The following SORCS2 variants were observed in gnomAD, a reference collection of about 807,000 sequenced individuals.
SORCS2 encodes the protein VPS10 domain-containing receptor SorCS2.
SORCS2 carries 100 observed loss-of-function variants against 141.6 expected under a neutral mutation model. That is an observed-to-expected ratio of 0.71 (90% confidence interval 0.60 to 0.83). The LOEUF (loss-of-function observed/expected upper bound fraction) is 0.83. Ranked by LOEUF, SORCS2 falls within the 40% of genes least tolerant of loss-of-function variation. The pLI is 0.00. For synonymous variants in SORCS2, 789 were observed against 676.9 expected, an observed-to-expected ratio of 1.17 and a Z score of -2.57; for missense variants, 1,646 against 1,560.2, an observed-to-expected ratio of 1.05 and a Z score of -0.93.
intron 1 of SORCS2, among the ~76,000 whole-genome samples, chr4:7,354,150 A>G (rs540617035): frequency 1.3e-5 from 2 of 152,140 alleles, no homozygotes; most frequent in African/African-American, 2.4e-5. Context: ...GTGGCATTGT[A>G]ATGACCTTGG....
intron 2 of SORCS2, among the ~76,000 whole-genome samples, chr4:7,468,853 A>C (rs1443964278): frequency 1.3e-5 from 2 of 152,130 alleles, no homozygotes; most frequent in African/African-American, 4.8e-5. Flanking sequence ...TTCCTATCCA[A>C]AACGCCGTAT....
rs1333269817 is a variant in SORCS2, at chr4:7,661,670, C to T, written c.952+106C>T. The T allele has an allele frequency of 4.0e-6, 4 of 1,007,468 alleles. No individual in the cohort carries two copies. In the African/African-American group the frequency reaches 4.9e-5, roughly 12 times the overall value. 62.4% of individuals were successfully genotyped at this position (1,007,468 alleles called of 1,614,324 possible). On this transcript the variant is annotated intron_variant, in intron 6 of 26. Coordinates refer to ENST00000507866, the MANE Select transcript of SORCS2 (RefSeq NM_020777.3). ...CGCTTGTCCGCAATGGCTGGCCCTA[C>T]ACAGCCGGCCTCACTGTGTCTCGAT...
intron 3 of SORCS2, among the ~76,000 whole-genome samples, chr4:7,625,144 G>T (rs1719438115): frequency 6.6e-6 from 1 of 152,184 alleles, no homozygotes; most frequent in Non-Finnish European, 1.5e-5. Flanking sequence ...TGGCATTTTA[G>T]CAATTGTCAG....
chr4:7,434,266 G>C, intron 2 of SORCS2: 1 of 1,613,238 alleles, frequency 6.2e-7, no homozygotes, highest in Non-Finnish European at 8.5e-7. Context: ...GTTCAAGTCG[G>C]CCAAGGTCAA....
chr4:7,411,868 C>A (rs1416489907), intron 2 of SORCS2, among the ~76,000 whole-genome samples: 6 of 152,134 alleles, frequency 3.9e-5, no homozygotes, highest in African/African-American at 1.2e-4. Flanking sequence ...ACCCCTGGTT[C>A]CCAGACACCA....
chr4:7,315,580 G>A (rs535436157), intron 1 of SORCS2, among the ~76,000 whole-genome samples: 36 of 152,308 alleles, frequency 2.4e-4, no homozygotes, highest in African/African-American at 7.9e-4. Context: ...GCTGTGGTGC[G>A]CCACCTCTCT....
intron 10 of SORCS2, among the ~76,000 whole-genome samples, chr4:7,687,798 G>A (rs1723969339): frequency 6.6e-6 from 1 of 152,064 alleles, no homozygotes; most frequent in Non-Finnish European, 1.5e-5. Context: ...ACAGAGTTGT[G>A]CCACCATCAC....
intron 1 of SORCS2, among the ~76,000 whole-genome samples, chr4:7,374,453 C>T (rs969887170): frequency 1.3e-5 from 2 of 152,152 alleles, no homozygotes; most frequent in East Asian, 3.8e-4. Flanking sequence ...CAATGAAAAT[C>T]GGGTGCCACG....
chr4:7,391,988 GC>G (rs1723892998), intron 1 of SORCS2, among the ~76,000 whole-genome samples: 1 of 152,206 alleles, frequency 6.6e-6, no homozygotes, highest in African/African-American at 2.4e-5. Flanking sequence ...TGCCGGACCG[GC>G]CCTGTTATTT....
At chr4:7,417,573 C>T (rs1328075065) in intron 2 of SORCS2, among the ~76,000 whole-genome samples, 1 of 152,188 alleles carries the variant, frequency 6.6e-6, no homozygotes, top group Non-Finnish European at 1.5e-5. Flanking sequence ...ATCCTGTTCT[C>T]CCACCTTTAA....
intron 1 of SORCS2, among the ~76,000 whole-genome samples, chr4:7,349,794 G>A (rs944881483): frequency 9.2e-5 from 14 of 152,170 alleles, no homozygotes; most frequent in Non-Finnish European, 1.8e-4. Context: ...TGGACTGGAC[G>A]CTCTGTTGTT....
chr4:7,741,255 A>C lies in SORCS2; in HGVS notation c.*991A>C, dbSNP rs1577146465. 2.8e-5 allele frequency: 11 copies of C among 398,896 alleles called. No homozygotes were observed. The East Asian group carries it at 3.9e-4, about 14-fold the overall frequency. 24.7% of individuals were successfully genotyped at this position (398,896 alleles called of 1,614,324 possible). On this transcript the variant is annotated 3_prime_UTR_variant, in exon 27 of 27. Coordinates refer to ENST00000507866, the MANE Select transcript of SORCS2 (RefSeq NM_020777.3). ...AGAGGCTGAGGATGGCAGGGCTGGA[A>C]GGGCCATCAGCGTGACCCTCATTTT...
At chr4:7,257,269 G>T (rs1369914957) in intron 1 of SORCS2, among the ~76,000 whole-genome samples, 1 of 151,366 alleles carries the variant, frequency 6.6e-6, no homozygotes, top group Non-Finnish European at 1.5e-5. Flanking sequence ...TGTGCCTGGC[G>T]CCAGGAGTGC....
Position 7,634,140 on chromosome 4 carries a change from A to G in SORCS2, c.649-4188A>G, listed in dbSNP as rs568602002. ...CTTAATCCTAGCACTTTGGGAGGCC[A>G]AGGCGGTTGGATCACCTGAGGTCAG... is the stretch of plus-strand genomic sequence containing the variant. On this transcript the variant is annotated intron_variant, in intron 3 of 26. Transcript: ENST00000507866. 4.0e-5 allele frequency among the ~76,000 whole-genome samples: 6 copies of G among 151,020 alleles called. 1 individual carries two copies. The East Asian group carries it at 1.0e-3, about 25-fold the overall frequency.
In SORCS2 at chr4:7,272,290, C is replaced by T. The variant is rs534474154; in HGVS notation, c.480+79164C>T. Among the ~76,000 whole-genome samples the T allele has an allele frequency of 5.9e-5, 9 of 152,286 alleles. No homozygotes were observed. The East Asian group carries it at 7.7e-4, about 13-fold the overall frequency. ...TTTGCTGTCTTCAAAAATTTCAAAG[C>T]GTATATTTCATATCATCTAAAAACT... On this transcript the variant is annotated intron_variant, in intron 1 of 26. Coordinates refer to ENST00000507866, the MANE Select transcript of SORCS2 (RefSeq NM_020777.3).
chr4:7,358,796 T>A (rs1721415003), intron 1 of SORCS2, among the ~76,000 whole-genome samples: 1 of 152,188 alleles, frequency 6.6e-6, no homozygotes, highest in Non-Finnish European at 1.5e-5. Context: ...AAAAGATGGT[T>A]TATTTTGCTT....
intron 2 of SORCS2, among the ~76,000 whole-genome samples, chr4:7,456,445 CCT>C (rs1728916049): frequency 6.6e-6 from 1 of 152,072 alleles, no homozygotes; most frequent in African/African-American, 2.4e-5. Flanking sequence ...GCATTTTTTT[CCT>C]CTGTTTCCCA....
chr4:7,652,493 G>A (rs1482768845), intron 4 of SORCS2, among the ~76,000 whole-genome samples: 2 of 152,038 alleles, frequency 1.3e-5, no homozygotes, highest in East Asian at 1.9e-4. Flanking sequence ...GCACTGACCC[G>A]TGGGCCCCCG....
intron 3 of SORCS2, among the ~76,000 whole-genome samples, chr4:7,549,469 GAGGCC>G (rs1455557124): frequency 6.6e-6 from 1 of 152,012 alleles, no homozygotes; most frequent in Non-Finnish European, 1.5e-5. Context: ...AGAGGCCCCT[GAGGCC>G]AGGCCAGGCT....
Sources: allele counts gnomAD v4.1 joint callset (sites outside exome capture counted in the v4.1 genomes callset), GRCh38; gene constraint gnomAD v4.1.1; transcripts MANE v1.5; gene names NCBI Gene and HGNC (gene_info 2026-07-23, HGNC 2026-07-21).